CIC: variants seen among roughly 807,000 people sequenced by gnomAD.
CIC encodes capicua transcriptional repressor, also known as protein capicua homolog.
CIC carries 18 observed loss-of-function variants against 115.7 expected under a neutral mutation model. That is an observed-to-expected ratio of 0.16 (90% CI 0.11 to 0.23). CIC has a LOEUF of 0.23. Ranked by LOEUF, CIC falls within the 10% of genes least tolerant of loss-of-function variation. The probability of loss-of-function intolerance (pLI) is 1.00; values close to 1 mark genes in which losing one functional copy is unlikely to be tolerated. For missense variants in CIC, 2,000 were observed against 2,159.3 expected (o/e 0.93, Z 1.46); for synonymous variants, 1,076 against 923.0 (o/e 1.17, Z -3.01).
At position 42,287,555 on chromosome 19, in the gene CIC, A is replaced by T; in HGVS notation, c.3320A>T (p.Asp1107Val). 1 of 1,613,428 alleles carries T rather than the reference A, an allele frequency of 6.2e-7. No homozygotes were observed. The highest frequency in any genetic ancestry group is 8.5e-7 in the Non-Finnish European group (1 of 1,180,020). The change falls in exon 6 of 21, where the codon GAC becomes GTC. Residue 1107 changes from aspartate to valine, a missense_variant. Physicochemically the swap from Asp to Val is radical, Grantham distance 152. Transcript: ENST00000681038. This position sits in a 1 kb window ranked among gnomAD's most constrained non-coding sequence, Gnocchi z 8.7. ...CTGTGTTTAATGCAGCGGGAGAAGG[A>T]CCACATCCGGCGGCCCATGAATGCC... ...DGRSPNKREK[D>V]HIRRPMNAFM...
rs1472569077 is a variant in CIC, at chr19:42,294,087, C to T, written c.6920C>T (p.Thr2307Met). ...GSYRKKRKNS[T>M]DLDSAPEDPT... The stretch of plus-strand genomic sequence containing the variant: ...TACCGCAAGAAGAGGAAGAACTCCA[C>T]GGGTAGGCGAGCATTGGGCACCCAG... Residue 2307 changes from threonine (T) to methionine (M), a missense_variant and splice_region_variant, in exon 18 of 21, where the codon ACG (threonine) becomes ATG (methionine). Thr to Met is a moderately conservative substitution (Grantham distance 81). Transcript: ENST00000681038. The T allele has an allele frequency of 5.6e-6, 9 of 1,613,466 alleles. No homozygotes were observed. Among genetic ancestry groups the T allele is most frequent in the Non-Finnish European group, 7.6e-6 (9 of 1,180,016 alleles).
intron 7 of CIC, among the ~76,000 whole-genome samples, chr19:42,288,534 G>A (rs2037829647): frequency 6.6e-6 from 1 of 152,184 alleles, no homozygotes; most frequent in African/African-American, 2.4e-5. Context: ...TAGTTGCTAT[G>A]GATATGCACT....
At chr19:42,278,960 G>T (rs551201785) in intron 2 of CIC, among the ~76,000 whole-genome samples, 1 of 152,204 alleles carries the variant, frequency 6.6e-6, no homozygotes, top group Non-Finnish European at 1.5e-5. Flanking sequence ...TGTAGGGGGC[G>T]GCAGGAAAGA....
rs745452217 is a variant in CIC at position 42,287,482 on chromosome 19, C to G, written c.3309+33C>G. On this transcript the variant is annotated intron_variant, in intron 5 of 20. Transcript: ENST00000681038. The surrounding 1 kb of genome is among the most constrained non-coding windows in gnomAD (Gnocchi z 8.7). ...ATCCCTGCCTGTCCTGTGCTCACCC[C>G]GTGGCCACCCACACCTGTCTGCCAG... 1 of 1,612,196 alleles carries G rather than the reference C, an allele frequency of 6.2e-7. No individual in the cohort carries two copies. Among genetic ancestry groups the G allele is most frequent in the Admixed American group, 1.7e-5 (1 of 60,024 alleles).
upstream of CIC, chr19:42,268,681 G>A (rs1381575406): frequency 6.6e-6 from 1 of 152,260 alleles, no homozygotes; most frequent in South Asian, 2.1e-4. Flanking sequence ...CTCCTCGCCG[G>A]GTTTCTTTGG....
chr19:42,291,211 G>C lies in CIC; in HGVS notation c.5170G>C (p.Ala1724Pro). ...PVPLGILQPG[A>P]LGKAGGITQV... ...ACCCCTGGGCATCCTGCAACCAGGT[G>C]CCCTGGGCAAGGCTGGGGGAATCAC... The change falls in exon 11 of 21, where the codon GCC (alanine) becomes CCC (proline). Residue 1724 changes from alanine (A) to proline (P), a missense_variant. By Grantham distance (27) the Ala-to-Pro change is conservative. Coordinates refer to ENST00000681038, the MANE Select transcript of CIC (RefSeq NM_001386298.1). The C allele has an allele frequency of 6.2e-7, 1 of 1,610,894 alleles. No individual in the cohort carries two copies. Among genetic ancestry groups the C allele is most frequent in the African/African-American group, 1.3e-5 (1 of 74,918 alleles).
chr19:42,284,765 A>C, intron 2 of CIC: 2 of 1,555,194 alleles, frequency 1.3e-6, no homozygotes, highest in South Asian at 2.3e-5. Context: ...TGGCCTCGGC[A>C]TGTTCGGTCA....
At position 42,273,846 on chromosome 19, in the gene CIC, G is replaced by A. The variant is rs948991647; in HGVS notation, c.2063G>A (p.Arg688Gln). The A allele has an allele frequency of 3.3e-5, 13 of 397,346 alleles. No individual in the cohort carries two copies. The highest frequency in any genetic ancestry group is 4.9e-5 in the Non-Finnish European group (11 of 225,524). The allele number at this position is 397,346 out of a possible 1,614,324, so 24.6% of individuals were successfully genotyped here. Residue 688 changes from arginine (R) to glutamine (Q), a missense_variant, in exon 2 of 21, where the codon CGA becomes CAA. This residue lies in a region of CIC where 222 missense variants were observed against 247.7 expected (regional missense o/e 0.90). Coordinates refer to ENST00000681038, the MANE Select transcript of CIC (RefSeq NM_001386298.1). Reference protein sequence around the residue: ...LGPHPPPPAPRERHSSGILPT... With the variant: ...LGPHPPPPAPQERHSSGILPT... ...CCCCACCCACCGCCACCTGCCCCCC[G>A]AGAGCGCCACTCCTCTGGAATCCTA...
In CIC at chr19:42,295,198, C is replaced by T. The variant is rs776913537; in HGVS notation, c.*7C>T. On this transcript the variant is annotated 3_prime_UTR_variant, in exon 21 of 21. Transcript: ENST00000681038. ...AGCTGCCACAGGCAGGTGAGGGACC[C>T]CTGAGAAGATGCCAGGACTTATAGT... 3.1e-5 allele frequency: 47 copies of T among 1,532,448 alleles called. No individual in the cohort carries two copies. The African/African-American group carries it at 5.5e-4, about 18-fold the overall frequency. 94.9% of individuals were successfully genotyped at this position (1,532,448 alleles called of 1,614,324 possible).
chr19:42,293,416 G>T, intron 16 of CIC, 135 bp downstream of exon 16: 1 of 1,342,276 alleles, frequency 7.5e-7, no homozygotes, highest in Non-Finnish European at 1.0e-6. Flanking sequence ...TGTCCCTTCT[G>T]CCTGCCTGTG....
At position 42,295,329 on chromosome 19, in the gene CIC, T is replaced by C; in HGVS notation, c.*138T>C. ...GGGGCGGAATGAGGCCTGCTCCTCT[T>C]GTAAATACCCCCTTCCCTCGAAGCT... On this transcript the variant is annotated 3_prime_UTR_variant, in exon 21 of 21. Transcript: ENST00000681038. The C allele has an allele frequency of 2.7e-6, 2 of 736,618 alleles. No individual in the cohort carries two copies. The highest frequency in any genetic ancestry group is 2.2e-6 in the Non-Finnish European group (1 of 456,230). The allele number at this position is 736,618 out of a possible 1,614,324, so 45.6% of individuals were successfully genotyped here.
chr19:42,288,792 C>T lies in CIC; in HGVS notation c.3659-96C>T, dbSNP rs930102562. On this transcript the variant is annotated intron_variant, in intron 7 of 20. Coordinates refer to ENST00000681038, the MANE Select transcript of CIC (RefSeq NM_001386298.1). Reference sequence around the variant, plus strand: ...GTGGCCCAGAAATTCCAGCCTGCTTCTGCCTAGTACCTAGAAATATCTATG... The same window carrying T: ...GTGGCCCAGAAATTCCAGCCTGCTTTTGCCTAGTACCTAGAAATATCTATG... The T allele has an allele frequency of 4.4e-6, 5 of 1,125,674 alleles. No individual in the cohort carries two copies. In the African/African-American group the frequency reaches 7.7e-5, roughly 17 times the overall value. 69.7% of individuals were successfully genotyped at this position (1,125,674 alleles called of 1,614,324 possible).
rs1413471015 is a variant in CIC, at chr19:42,288,877, C to G, written c.3659-11C>G. ...TTACTGACTGTCATAGCGCCACTCT[C>G]TACTTTACAGTGTCCTCTGAGCTCC... On this transcript the variant is annotated splice_polypyrimidine_tract_variant and intron_variant, in intron 7 of 20. Coordinates refer to ENST00000681038, the MANE Select transcript of CIC (RefSeq NM_001386298.1). 1 of 1,613,586 alleles carries G rather than the reference C, an allele frequency of 6.2e-7. No homozygotes were observed. The highest frequency in any genetic ancestry group is 1.3e-5 in the African/African-American group (1 of 75,036).
In CIC at chr19:42,289,862, G is replaced by T; in HGVS notation, c.4102G>T (p.Gly1368Cys). 1 of 1,604,518 alleles carries T rather than the reference G, an allele frequency of 6.2e-7. No homozygotes were observed. Among genetic ancestry groups the T allele is most frequent in the Non-Finnish European group, 8.5e-7 (1 of 1,175,844 alleles). ...CACTCCCTCAGCTGACGATGGCTTCGGCACCACTGACATTGATCTCAAGTG... is the reference window on the plus strand; with the variant it reads ...CACTCCCTCAGCTGACGATGGCTTCTGCACCACTGACATTGATCTCAAGTG... ...DDDVIADDGF[G>C]TTDIDLKCKE... The change falls in exon 10 of 21, where the codon GGC becomes TGC. Residue 1368 changes from glycine (G) to cysteine (C), a missense_variant. This residue lies in a region of CIC where 1,466 missense variants were observed against 1,390.4 expected (regional missense o/e 1.05). Coordinates refer to ENST00000681038, the MANE Select transcript of CIC (RefSeq NM_001386298.1).
intron 2 of CIC, among the ~76,000 whole-genome samples, chr19:42,279,127 C>A (rs2037108535): frequency 6.6e-6 from 1 of 152,230 alleles, no homozygotes; most frequent in Admixed American, 6.5e-5. Flanking sequence ...CAGTACCCAC[C>A]AACTATGCTT....
At chr19:42,284,793 G>C (rs1383144241) in intron 2 of CIC, 2 of 1,541,806 alleles carry the variant, frequency 1.3e-6, no homozygotes, top group Admixed American at 3.9e-5. Flanking sequence ...CTGGGCCCTG[G>C]GACTGCAGGG....
intron 7 of CIC, among the ~76,000 whole-genome samples, chr19:42,288,246 C>G (rs961641315): frequency 6.6e-6 from 1 of 152,186 alleles, no homozygotes; most frequent in Admixed American, 6.5e-5. Flanking sequence ...GGAATATAAG[C>G]TGTAGTCTGC....
Position 42,290,287 on chromosome 19 carries a change from C to T in CIC, c.4246C>T (p.Arg1416Cys), listed in dbSNP as rs370252719. The T allele has an allele frequency of 1.5e-5, 25 of 1,613,954 alleles. No individual in the cohort carries two copies. The highest frequency in any genetic ancestry group is 2.2e-5 in the East Asian group (1 of 44,876). Residue 1416 changes from arginine (R) to cysteine (C), a missense_variant, in exon 11 of 21, where the codon CGC becomes TGC. Physicochemically the swap from Arg to Cys is radical, Grantham distance 180. Transcript: ENST00000681038. ...GATCCGTTCCTCCTTTACCCACTGC[C>T]GCCCCCCACTGGACCCTGAGCCCCC... ...PVIRSSFTHC[R>C]PPLDPEPPGP...
chr19:42,290,040 A>G (rs2037960257), intron 10 of CIC, 89 bp downstream of exon 10: 8 of 1,417,746 alleles, frequency 5.6e-6, no homozygotes, highest in Non-Finnish European at 7.9e-6. Flanking sequence ...AGAGGGGGAG[A>G]TTAAGGTCCA....
Sources: gnomAD v4.1 joint callset for allele counts (sites outside exome capture counted in the v4.1 genomes callset) on GRCh38, gnomAD v4.1.1 for gene constraint, gnomAD v4.1.1 regional missense constraint, Gnocchi (gnomAD v3.1) non-coding constraint, MANE v1.5 for transcripts, NCBI Gene and HGNC (gene_info 2026-07-23, HGNC 2026-07-21) for gene names.